BCAS4: variants seen among roughly 807,000 people sequenced by gnomAD.
BCAS4 encodes breast carcinoma-amplified sequence 4.
Under a neutral mutation model 15.7 loss-of-function variants are expected in BCAS4, and 9 were observed. The observed-to-expected ratio is 0.57, with a 90% confidence interval of 0.34 to 1.00. The LOEUF (loss-of-function observed/expected upper bound fraction) is 1.00, where lower values mean the gene tolerates loss of function less well. Among genes scored for constraint, BCAS4 ranks in the 50% least tolerant of loss-of-function variants. The pLI is 0.02. For missense variants in BCAS4, 225 were observed against 239.1 expected (o/e 0.94, Z 0.39); for synonymous variants, 101 against 99.5 (o/e 1.02, Z -0.09).
chr20:50,850,844 A>G (rs903595336), intron 4 of BCAS4, among the ~76,000 whole-genome samples: 26 of 152,178 alleles, frequency 1.7e-4, no homozygotes, highest in African/African-American at 6.0e-4. Context: ...GATGTTCTGA[A>G]GGCTTCTTGC....
At chr20:50,850,091 G>A (rs1978333502) in intron 4 of BCAS4, among the ~76,000 whole-genome samples, 1 of 152,208 alleles carries the variant, frequency 6.6e-6, no homozygotes, top group Non-Finnish European at 1.5e-5. Context: ...TTGAGACCAG[G>A]GAGAAGTAGA....
chr20:50,853,139 A>ATTTTTTTTTT (rs35651267), intron 4 of BCAS4, among the ~76,000 whole-genome samples: 2 of 106,906 alleles, frequency 1.9e-5, no homozygotes, highest in African/African-American at 3.9e-5. Flanking sequence ...ATCCCCTTTC[A>ATTTTTTTTTT]TTTTTTTTTT....
intron 4 of BCAS4, among the ~76,000 whole-genome samples, chr20:50,868,097 C>T (rs1416187797): frequency 6.6e-6 from 1 of 152,146 alleles, no homozygotes; most frequent in African/African-American, 2.4e-5. Context: ...TAGACCAGGG[C>T]TGTGGGTTTG....
At chr20:50,880,549 G>C (rs1980100117), downstream of BCAS4, 1 of 152,064 alleles carries the variant, frequency 6.6e-6, no homozygotes, top group South Asian at 2.1e-4. Flanking sequence ...CAACCTCCTG[G>C]GCTCAAGCGA....
At chr20:50,807,163 C>T (rs1036409460) in intron 1 of BCAS4, among the ~76,000 whole-genome samples, 6 of 151,534 alleles carry the variant, frequency 4.0e-5, no homozygotes, top group African/African-American at 1.5e-4. Context: ...TGAGCCACCA[C>T]ACCCAGCCCA....
At chr20:50,845,868 G>A (rs1049228402) in intron 4 of BCAS4, among the ~76,000 whole-genome samples, 5 of 152,372 alleles carry the variant, frequency 3.3e-5, no homozygotes, top group Non-Finnish European at 5.9e-5. Flanking sequence ...CACCAGAGGC[G>A]CAGCCCCCAG....
intron 4 of BCAS4, among the ~76,000 whole-genome samples, chr20:50,852,232 C>G (rs1226623015): frequency 6.6e-6 from 1 of 152,206 alleles, no homozygotes; most frequent in Non-Finnish European, 1.5e-5. Context: ...AATTCAAACA[C>G]TCACTGAGAC....
chr20:50,807,872 T>C (rs952019376), intron 1 of BCAS4, among the ~76,000 whole-genome samples: 3 of 151,992 alleles, frequency 2.0e-5, no homozygotes, highest in Non-Finnish European at 2.9e-5. Context: ...TTGTATTCCA[T>C]GGTATCTATA....
At chr20:50,849,154 A>G (rs756156766) in intron 4 of BCAS4, among the ~76,000 whole-genome samples, 53 of 152,182 alleles carry the variant, frequency 3.5e-4, no homozygotes, top group Admixed American at 5.2e-4. Flanking sequence ...CAGCCTCACT[A>G]ATTTGTTGTA....
intron 4 of BCAS4, among the ~76,000 whole-genome samples, chr20:50,870,566 C>G (rs967951673): frequency 2.6e-5 from 4 of 152,166 alleles, no homozygotes; most frequent in African/African-American, 9.7e-5. Context: ...TTACAGGAAC[C>G]GTGGGGATCT....
chr20:50,844,515 C>T (rs1328551986), intron 4 of BCAS4, among the ~76,000 whole-genome samples: 1 of 152,158 alleles, frequency 6.6e-6, no homozygotes, highest in African/African-American at 2.4e-5. Context: ...CTGCCCATGT[C>T]CTGTTAGAAC....
chr20:50,837,374 C>T (rs1289875260), intron 3 of BCAS4, among the ~76,000 whole-genome samples: 5 of 152,058 alleles, frequency 3.3e-5, no homozygotes, highest in Non-Finnish European at 7.4e-5. Context: ...ATCACTTGAG[C>T]GCAGGAGTTC....
At chr20:50,800,559 CT>C (rs562113048) in intron 1 of BCAS4, among the ~76,000 whole-genome samples, 1,287 of 112,604 alleles carry the variant, frequency 0.011, 3 homozygotes, top group East Asian at 0.018. Context: ...TTGAACATCC[CT>C]TTTTTTTTTT....
chr20:50,811,739 C>T (rs549471934), intron 1 of BCAS4, among the ~76,000 whole-genome samples: 1 of 152,326 alleles, frequency 6.6e-6, no homozygotes, highest in African/African-American at 2.4e-5. Flanking sequence ...TCTCATGCCT[C>T]AGCCTCCCGA....
chr20:50,852,984 G>A (rs866678637), intron 4 of BCAS4, among the ~76,000 whole-genome samples: 1 of 152,080 alleles, frequency 6.6e-6, no homozygotes, highest in South Asian at 2.1e-4. Flanking sequence ...TTGCAAAAGG[G>A]GTTCTGGGTG....
intron 4 of BCAS4, among the ~76,000 whole-genome samples, chr20:50,873,971 G>A (rs963150852): frequency 3.9e-5 from 6 of 152,270 alleles, no homozygotes; most frequent in African/African-American, 1.2e-4. Flanking sequence ...GTTCCCTTCT[G>A]CAACAGGCTC....
intron 4 of BCAS4, among the ~76,000 whole-genome samples, chr20:50,845,262 TGCCCTCCCTGACCGCC>T (rs1568674146): frequency 1.3e-5 from 2 of 152,120 alleles, no homozygotes; most frequent in Admixed American, 1.3e-4. Context: ...GTCCATTCTA[TGCCCTCCCTGACCGCC>T]GGACCTGCTC....
At chr20:50,850,905 A>G (rs1978375490) in intron 4 of BCAS4, among the ~76,000 whole-genome samples, 1 of 152,186 alleles carries the variant, frequency 6.6e-6, no homozygotes, top group South Asian at 2.1e-4. Flanking sequence ...AAGGCTGGAG[A>G]GGATTTTCAA....
At chr20:50,866,127 C>T (rs1417480375) in intron 4 of BCAS4, among the ~76,000 whole-genome samples, 1 of 152,176 alleles carries the variant, frequency 6.6e-6, no homozygotes, top group African/African-American at 2.4e-5. Context: ...CTCTCCAAGC[C>T]CGCTTTCTCA....
Sources: gnomAD v4.1 joint callset for allele counts (sites outside exome capture counted in the v4.1 genomes callset) on GRCh38, gnomAD v4.1.1 for gene constraint, MANE v1.5 for transcripts, NCBI Gene and HGNC (gene_info 2026-07-23, HGNC 2026-07-21) for gene names.